The following ZNF618 variants were observed in gnomAD, a reference collection of about 807,000 sequenced individuals.
ZNF618 encodes zinc finger protein 618.
A neutral mutation model predicts 103.0 loss-of-function variants in ZNF618; 34 were observed. The ratio of observed to expected loss-of-function variants is 0.33; its 90% CI spans 0.25 to 0.44. ZNF618 has a LOEUF of 0.44. Ranked by LOEUF, ZNF618 falls within the 20% of genes least tolerant of loss-of-function variation. The probability of loss-of-function intolerance (pLI) is 1.00; values close to 1 mark genes in which losing one functional copy is unlikely to be tolerated. For synonymous variants in ZNF618, 551 were observed against 542.2 expected, an observed-to-expected ratio of 1.02 and a Z score of -0.23; for missense variants, 1,059 against 1,295.4, an observed-to-expected ratio of 0.82 and a Z score of 2.80.
At chr9:114,047,345 A>G (rs980431022) in intron 13 of ZNF618, among the ~76,000 whole-genome samples, 2 of 152,186 alleles carry the variant, frequency 1.3e-5, no homozygotes, top group African/African-American at 4.8e-5. Context: ...CATGTCTTAC[A>G]GTGAGGGGTT....
intron 11 of ZNF618, among the ~76,000 whole-genome samples, chr9:114,029,783 T>G (rs1452905282): frequency 3.3e-5 from 5 of 152,142 alleles, no homozygotes; most frequent in African/African-American, 9.7e-5. Context: ...AGGAAATCAG[T>G]GGATGCCACC....
chr9:114,032,524 G>A, intron 11 of ZNF618, 121 bp from the exon 12 acceptor site: 3 of 848,604 alleles, frequency 3.5e-6, no homozygotes, highest in Middle Eastern at 2.4e-4. Flanking sequence ...AGGTCCTGGA[G>A]CCCTCACGAG....
chr9:113,919,532 G>T (rs1832447492), intron 1 of ZNF618, among the ~76,000 whole-genome samples: 1 of 152,362 alleles, frequency 6.6e-6, no homozygotes, highest in African/African-American at 2.4e-5. Context: ...GTGCTGGCAG[G>T]CTGTTATGCC....
At chr9:113,951,527 A>ATT in intron 1 of ZNF618, among the ~76,000 whole-genome samples, 1 of 77,724 alleles carries the variant, frequency 1.3e-5, no homozygotes, top group Non-Finnish European at 2.9e-5. Flanking sequence ...ATATGTACAC[A>ATT]TATGTGTGTA....
intron 1 of ZNF618, among the ~76,000 whole-genome samples, chr9:113,904,914 C>T (rs943232853): frequency 6.6e-6 from 1 of 152,210 alleles, no homozygotes; most frequent in South Asian, 2.1e-4. Context: ...CATAATCTCT[C>T]TATCTCAAAG....
Position 114,028,806 on chromosome 9 carries a change from A to G in ZNF618, c.918A>G (p.Pro306=), listed in dbSNP as rs1343085478. The change falls in exon 11 of 15, where the codon CCA becomes CCG. Residue 306 remains proline (P), a synonymous_variant. Coordinates refer to ENST00000374126, the MANE Select transcript of ZNF618 (RefSeq NM_001318042.2). Reference sequence around the variant, plus strand: ...AGTGTTCACATCCAGAGGTCTCCCCATCTCCACGCTTCGTGGCAGCGAAGA... The same window carrying G: ...AGTGTTCACATCCAGAGGTCTCCCCGTCTCCACGCTTCGTGGCAGCGAAGA... ...GSECSHPEVS[P]SPRFVAAKTQ... 4 of 1,550,452 alleles carry G rather than the reference A, an allele frequency of 2.6e-6. No individual in the cohort carries two copies. The African/African-American group carries it at 4.1e-5, about 16-fold the overall frequency.
chr9:113,939,838 T>A (rs897202556), intron 1 of ZNF618, among the ~76,000 whole-genome samples: 6 of 152,128 alleles, frequency 3.9e-5, no homozygotes, highest in Non-Finnish European at 8.8e-5. Flanking sequence ...ATATTTCAAG[T>A]TTATTTTTTA....
intron 1 of ZNF618, among the ~76,000 whole-genome samples, 171 bp downstream of exon 1, chr9:113,876,584 G>T (rs183376445): frequency 1.3e-5 from 2 of 151,958 alleles, no homozygotes; most frequent in East Asian, 3.9e-4. Context: ...CACCCCCCCG[G>T]GCGCTGCGGG....
At chr9:114,047,824 G>A in intron 13 of ZNF618, 69 bp from the exon 14 acceptor site, 1 of 1,378,774 alleles carries the variant, frequency 7.3e-7, no homozygotes, top group Non-Finnish European at 1.0e-6. Context: ...CCACACTCTA[G>A]TTCTCATCTC....
chr9:114,026,756 A>ATTTGAAGAGCAGT (rs1440044642), intron 10 of ZNF618, among the ~76,000 whole-genome samples: 1 of 152,200 alleles, frequency 6.6e-6, no homozygotes, highest in Non-Finnish European at 1.5e-5. Context: ...AGATACTTAC[A>ATTTGAAGAGCAGT]TTTGAAGAGC....
chr9:114,019,505 T>C (rs1842905094), intron 10 of ZNF618, among the ~76,000 whole-genome samples: 1 of 152,220 alleles, frequency 6.6e-6, no homozygotes, highest in Non-Finnish European at 1.5e-5. Flanking sequence ...CAACATTCGA[T>C]GGTATTGGTC....
intron 1 of ZNF618, among the ~76,000 whole-genome samples, chr9:113,933,897 G>T (rs979232745): frequency 6.6e-6 from 1 of 152,088 alleles, no homozygotes; most frequent in African/African-American, 2.4e-5. Flanking sequence ...GCTCCTGTGG[G>T]GGCCAGGATT....
At chr9:114,047,052 A>T (rs1038946026) in intron 13 of ZNF618, among the ~76,000 whole-genome samples, 3 of 152,260 alleles carry the variant, frequency 2.0e-5, no homozygotes, top group African/African-American at 7.2e-5. Flanking sequence ...CGTATATGAT[A>T]GAAGTGCATG....
At chr9:113,910,112 C>T (rs553451883) in intron 1 of ZNF618, among the ~76,000 whole-genome samples, 87 of 152,114 alleles carry the variant, frequency 5.7e-4, no homozygotes, top group African/African-American at 2.0e-3. Context: ...CACCACTCCC[C>T]GCCTGGCTGC....
rs1843747129 is a variant in ZNF618, at chr9:114,028,869, C to T, written c.981C>T (p.Ser327=). The part of the protein sequence containing the change: ...TNQSGKKAPA[S]VVRCATLLHR... ...AGTCGGGGAAAAAAGCTCCGGCCTC[C>T]GTGGTCCGATGTGCCACCCTCTTAC... is the stretch of plus-strand genomic sequence containing the variant. Residue 327 remains serine (S), a synonymous_variant, in exon 11 of 15, where the codon TCC becomes TCT. Transcript: ENST00000374126. The T allele has an allele frequency of 1.7e-5, 26 of 1,550,632 alleles. No individual in the cohort carries two copies. The highest frequency in any genetic ancestry group is 2.3e-5 in the Non-Finnish European group (26 of 1,146,936).
intron 10 of ZNF618, among the ~76,000 whole-genome samples, chr9:114,019,674 T>G (rs1842917106): frequency 6.6e-6 from 1 of 152,224 alleles, no homozygotes; most frequent in Admixed American, 6.5e-5. Context: ...TTCTGCCCAT[T>G]TATTTGGTTG....
intron 1 of ZNF618, among the ~76,000 whole-genome samples, chr9:113,956,079 C>G (rs912610009): frequency 6.6e-6 from 1 of 151,844 alleles, no homozygotes; most frequent in Non-Finnish European, 1.5e-5. Flanking sequence ...AGTGGTGGCT[C>G]ACGCCTGTAA....
At chr9:113,877,663 G>GT (rs988962701) in intron 1 of ZNF618, among the ~76,000 whole-genome samples, 3 of 150,774 alleles carry the variant, frequency 2.0e-5, no homozygotes, top group Non-Finnish European at 3.0e-5. Flanking sequence ...GTGTGTGTGT[G>GT]TTTTTTTTGT....
intron 1 of ZNF618, among the ~76,000 whole-genome samples, chr9:113,887,400 A>G (rs1829179993): frequency 6.6e-6 from 1 of 152,234 alleles, no homozygotes; most frequent in South Asian, 2.1e-4. Context: ...GAGCAAAAAC[A>G]AATCTAAAAG....
Sources: gnomAD v4.1 joint callset for allele counts (sites outside exome capture counted in the v4.1 genomes callset) on GRCh38, gnomAD v4.1.1 for gene constraint, MANE v1.5 for transcripts, NCBI Gene and HGNC (gene_info 2026-07-23, HGNC 2026-07-21) for gene names.